Variants in SHTN1 observed in about 807,000 individuals in gnomAD.
SHTN1 encodes the protein shootin-1.
Under a neutral mutation model 83.1 loss-of-function variants are expected in SHTN1, and 42 were observed. The observed-to-expected ratio is 0.51, with a 90% CI of 0.39 to 0.65. The LOEUF is 0.65. Ranked by LOEUF, SHTN1 falls within the 30% of genes least tolerant of loss-of-function variation. The pLI is 0.00. For missense variants in SHTN1, 622 were observed against 737.8 expected, an observed-to-expected ratio of 0.84 and a Z score of 1.82; for synonymous variants, 224 against 247.7, an observed-to-expected ratio of 0.90 and a Z score of 0.90.
rs936042286 is a variant in SHTN1, at chr10:117,121,815, G to A, written c.-189+4492C>T. ...TGGGAGGCCAAGGCTGGCAGATCAC[G>A]AGGTCAGGAGATCGAGACCATCCTG... On this transcript the variant is annotated intron_variant, in intron 1 of 17. Transcript: ENST00000392901. Among the ~76,000 whole-genome samples the A allele has an allele frequency of 3.3e-5, 5 of 152,050 alleles. No homozygotes were observed. In the South Asian group the frequency reaches 6.2e-4, roughly 19 times the overall value.
chr10:116,887,942 G>T (rs149370754), intron 16 of SHTN1, among the ~76,000 whole-genome samples: 52 of 152,218 alleles, frequency 3.4e-4, no homozygotes, highest in African/African-American at 1.2e-3. Flanking sequence ...TGCATGACCC[G>T]GTCACGGGCA....
chr10:116,928,023 A>AT, intron 10 of SHTN1, 132 bp from the exon 11 acceptor site: 8 of 968,192 alleles, frequency 8.3e-6, no homozygotes, highest in South Asian at 1.7e-5. Flanking sequence ...AAATTTCAAT[A>AT]TGAAATTACA....
intron 1 of SHTN1, among the ~76,000 whole-genome samples, chr10:117,001,713 T>C (rs905687471): frequency 6.6e-6 from 1 of 152,172 alleles, no homozygotes; most frequent in African/African-American, 2.4e-5. Flanking sequence ...GTATTATATA[T>C]TTCAAAAGAG....
chr10:117,004,906 C>A, intron 1 of SHTN1, 116 bp downstream of exon 1: 1 of 870,890 alleles, frequency 1.1e-6, no homozygotes, highest in Non-Finnish European at 1.7e-6. Context: ...ACTGCGGTGA[C>A]CACGGCGGCC....
At chr10:116,888,491 G>T (rs1017211311) in intron 16 of SHTN1, among the ~76,000 whole-genome samples, 34 of 152,206 alleles carry the variant, frequency 2.2e-4, no homozygotes, top group African/African-American at 7.5e-4. Flanking sequence ...TGTTCTGACA[G>T]TTGGGAGGGA....
chr10:116,918,550 A>G (rs1848449561), intron 12 of SHTN1, among the ~76,000 whole-genome samples: 1 of 152,236 alleles, frequency 6.6e-6, no homozygotes, highest in South Asian at 2.1e-4. Context: ...ATCTGACATC[A>G]GGTCATAAAG....
chr10:117,060,268 T>A (rs1017052930), intron 1 of SHTN1, among the ~76,000 whole-genome samples: 12 of 152,168 alleles, frequency 7.9e-5, no homozygotes, highest in African/African-American at 2.9e-4. Context: ...TTTTTCATTT[T>A]AAAATGTTAT....
rs1473019231 is a variant in SHTN1 at position 116,885,267 on chromosome 10, ATT to A, written c.*1075_*1076del. The A allele has an allele frequency of 1.3e-5, 2 of 152,654 alleles. No individual in the cohort carries two copies. The highest frequency in any genetic ancestry group is 2.9e-5 in the Non-Finnish European group (2 of 68,042). 9.5% of individuals were successfully genotyped at this position (152,654 alleles called of 1,614,324 possible). On this transcript the variant is annotated 3_prime_UTR_variant, in exon 17 of 17. Coordinates refer to ENST00000355371, the MANE Select transcript of SHTN1 (RefSeq NM_001127211.3). ...ATAGTAAAATTACCATTACTGAATCATTGTCATAAAAAGTGCATTCAAGTACA... is the reference window on the plus strand; with the variant it reads ...ATAGTAAAATTACCATTACTGAATCAGTCATAAAAAGTGCATTCAAGTACA...
At chr10:117,088,144 G>T (rs1853376958) in intron 1 of SHTN1, among the ~76,000 whole-genome samples, 1 of 152,190 alleles carries the variant, frequency 6.6e-6, no homozygotes, top group South Asian at 2.1e-4. Flanking sequence ...TGCAAAATGT[G>T]AATTTTGCAT....
At chr10:117,052,105 G>C (rs1205963910) in intron 1 of SHTN1, among the ~76,000 whole-genome samples, 1 of 139,834 alleles carries the variant, frequency 7.2e-6, no homozygotes, top group Non-Finnish European at 1.5e-5. Context: ...AAATAAACAT[G>C]TAAAAATCTA....
intron 1 of SHTN1, among the ~76,000 whole-genome samples, chr10:117,104,642 T>C (rs1009902288): frequency 3.3e-5 from 5 of 151,954 alleles, no homozygotes; most frequent in South Asian, 2.1e-4. Flanking sequence ...GGCGTGGTGG[T>C]GGGCGCCTGT....
At chr10:116,938,031 C>T (rs1411076755) in intron 9 of SHTN1, among the ~76,000 whole-genome samples, 2 of 151,878 alleles carry the variant, frequency 1.3e-5, no homozygotes, top group African/African-American at 4.8e-5. Flanking sequence ...TTATGTTCTT[C>T]TCTAAACTGG....
intron 12 of SHTN1, among the ~76,000 whole-genome samples, chr10:116,919,526 G>C (rs1307161850): frequency 6.6e-6 from 1 of 152,026 alleles, no homozygotes; most frequent in African/African-American, 2.4e-5. Flanking sequence ...AGAAATTCTC[G>C]AATAATTTTT....
At chr10:117,066,988 A>G (rs1337981201) in intron 1 of SHTN1, among the ~76,000 whole-genome samples, 1 of 152,222 alleles carries the variant, frequency 6.6e-6, no homozygotes, top group Non-Finnish European at 1.5e-5. Flanking sequence ...AGACTTCCTA[A>G]AAGTGTTGTT....
At chr10:116,927,981 A>G in intron 10 of SHTN1, 90 bp from the exon 11 acceptor site, 2 of 1,473,212 alleles carry the variant, frequency 1.4e-6, no homozygotes, top group Non-Finnish European at 1.8e-6. Context: ...ACCTTTCTCA[A>G]AAGTAAGTTC....
rs1847058904 is a variant in SHTN1 at position 116,882,889 on chromosome 10, A to G, written c.*3455T>C. On this transcript the variant is annotated 3_prime_UTR_variant, in exon 17 of 17. Coordinates refer to ENST00000355371, the MANE Select transcript of SHTN1 (RefSeq NM_001127211.3). ...CTCTCCTGATGCTTAGCAACAAGCAACGGGTAGGAGAAACTGGAAGGAAAA... is the reference window on the plus strand; with the variant it reads ...CTCTCCTGATGCTTAGCAACAAGCAGCGGGTAGGAGAAACTGGAAGGAAAA... 6.6e-6 allele frequency: 1 copy of G among 152,082 alleles called. No homozygotes were observed. The allele number at this position is 152,082 out of a possible 1,614,324, so 9.4% of individuals were successfully genotyped here. A position where few individuals can be genotyped will look rare whatever the true frequency, so the allele number is the denominator to read the frequency against.
rs553441355 is a variant in SHTN1 at position 117,122,966 on chromosome 10, C to T, written c.-189+3341G>A. 3.3e-5 allele frequency among the ~76,000 whole-genome samples: 5 copies of T among 152,316 alleles called. No individual in the cohort carries two copies. In the East Asian group the frequency reaches 5.8e-4, roughly 18 times the overall value. ...TTCAAGAGAAAAGTAAGAAGATAAT[C>T]TGATTGGTGAGCACTACCATTCACT... On this transcript the variant is annotated intron_variant, in intron 1 of 17. Transcript: ENST00000392901.
At chr10:117,065,727 T>TGAAA (rs869310024) in intron 1 of SHTN1, among the ~76,000 whole-genome samples, 10 of 11,992 alleles carry the variant, frequency 8.3e-4, no homozygotes, top group East Asian at 1.6e-3. Flanking sequence ...GAGAGAGAGA[T>TGAAA]GAAAGAAAGA....
At chr10:117,041,301 A>G (rs2083247432) in intron 2 of SHTN1, among the ~76,000 whole-genome samples, 1 of 152,214 alleles carries the variant, frequency 6.6e-6, no homozygotes, top group Non-Finnish European at 1.5e-5. Flanking sequence ...GAAATGCCAA[A>G]GGAAATTCAA....
Sources: allele counts gnomAD v4.1 joint callset (sites outside exome capture counted in the v4.1 genomes callset), GRCh38; gene constraint gnomAD v4.1.1; transcripts MANE v1.5; gene names NCBI Gene and HGNC (gene_info 2026-07-23, HGNC 2026-07-21).